DPF3: variants seen among roughly 807,000 people sequenced by gnomAD.
DPF3 encodes zinc finger protein DPF3.
Under a neutral mutation model 56.8 loss-of-function variants are expected in DPF3, and 18 were observed. The ratio of observed to expected loss-of-function variants is 0.32; its 90% CI spans 0.22 to 0.47. DPF3 has a LOEUF of 0.47. Ranked by LOEUF, DPF3 falls within the 20% of genes least tolerant of loss-of-function variation. DPF3 has a pLI of 1.00. For synonymous variants in DPF3, 188 were observed against 180.2 expected (o/e 1.04, Z -0.35); for missense variants, 403 against 488.8 (o/e 0.82, Z 1.65).
At chr14:72,687,615 T>C (rs1209048880) in intron 7 of DPF3, among the ~76,000 whole-genome samples, 2 of 152,220 alleles carry the variant, frequency 1.3e-5, no homozygotes, top group Non-Finnish European at 2.9e-5. Context: ...TCCAATTGTC[T>C]GAATGTGCCA....
At chr14:72,642,221 T>A (rs1376516500) in intron 8 of DPF3, among the ~76,000 whole-genome samples, 1 of 152,182 alleles carries the variant, frequency 6.6e-6, no homozygotes, top group Non-Finnish European at 1.5e-5. Flanking sequence ...TTCCCAACCC[T>A]CAGAAGCTAT....
intron 1 of DPF3, among the ~76,000 whole-genome samples, chr14:72,782,661 C>A (rs967344855): frequency 6.6e-6 from 1 of 152,116 alleles, no homozygotes; most frequent in South Asian, 2.1e-4. Flanking sequence ...AGTGAAATCC[C>A]GTCTCTACTA....
intron 4 of DPF3, among the ~76,000 whole-genome samples, chr14:72,731,260 A>G (rs1285373147): frequency 6.6e-6 from 1 of 152,108 alleles, no homozygotes; most frequent in Non-Finnish European, 1.5e-5. Context: ...GCATGGATAG[A>G]GGGTAGTGGA....
intron 1 of DPF3, among the ~76,000 whole-genome samples, chr14:72,805,069 A>ACAC: frequency 4.5e-5 from 1 of 22,216 alleles, no homozygotes. Context: ...CACACACACA[A>ACAC]ACACACAGAC....
At chr14:72,869,062 C>T (rs1039840888) in intron 1 of DPF3, among the ~76,000 whole-genome samples, 2 of 152,198 alleles carry the variant, frequency 1.3e-5, no homozygotes, top group Admixed American at 6.5e-5. Context: ...ACCATCTCAT[C>T]CCTCTCCAGT....
chr14:72,642,445 G>T (rs1324359713), intron 8 of DPF3, among the ~76,000 whole-genome samples: 1 of 152,210 alleles, frequency 6.6e-6, no homozygotes, highest in East Asian at 1.9e-4. Context: ...GAGGAGCAGG[G>T]TTTGGGATTT....
intron 1 of DPF3, among the ~76,000 whole-genome samples, chr14:72,845,856 C>G (rs1197620044): frequency 6.6e-6 from 1 of 152,070 alleles, no homozygotes; most frequent in Admixed American, 6.6e-5. Flanking sequence ...AACATGATAC[C>G]CCCTGCAGAT....
At chr14:72,662,586 A>T in intron 8 of DPF3, 2 of 985,370 alleles carry the variant, frequency 2.0e-6, no homozygotes, top group Non-Finnish European at 2.4e-6. Flanking sequence ...AGAAAAAAAA[A>T]ATCTTCTTAT....
intron 8 of DPF3, among the ~76,000 whole-genome samples, chr14:72,648,280 C>A (rs56097225): frequency 2.6e-5 from 4 of 152,078 alleles, no homozygotes; most frequent in Non-Finnish European, 5.9e-5. Context: ...AAAACTATTG[C>A]GCCAGGCGTG....
rs1168146146 is a variant in DPF3 at position 72,619,059 on chromosome 14, C to G, written c.*238G>C. ...ACAGGGCTGGGGCCGGAGGTGTTCT[C>G]CCAAAGTGCAACTTCCTTCCGGTAG... is the stretch of plus-strand genomic sequence containing the variant. On this transcript the variant is annotated 3_prime_UTR_variant, in exon 11 of 11. Transcript: ENST00000556509. Among the ~76,000 whole-genome samples the G allele has an allele frequency of 6.6e-6, 1 of 152,194 alleles. No homozygotes were observed. Among genetic ancestry groups the G allele is most frequent in the South Asian group, 2.1e-4 (1 of 4,826 alleles).
At chr14:72,888,311 C>T (rs1298916754) in intron 1 of DPF3, among the ~76,000 whole-genome samples, 1 of 152,180 alleles carries the variant, frequency 6.6e-6, no homozygotes, top group Admixed American at 6.5e-5. Flanking sequence ...GCCCCACCAA[C>T]ACCTCCTAAC....
At chr14:72,654,259 C>T (rs552368716) in intron 8 of DPF3, among the ~76,000 whole-genome samples, 58 of 152,070 alleles carry the variant, frequency 3.8e-4, no homozygotes, top group African/African-American at 1.2e-3. Context: ...GCCTCCTGGG[C>T]CCATTCACAC....
intron 2 of DPF3, among the ~76,000 whole-genome samples, chr14:72,762,518 C>T (rs564616520): frequency 1.1e-4 from 17 of 151,256 alleles, no homozygotes; most frequent in South Asian, 4.2e-4. Flanking sequence ...CACAGAAAAT[C>T]AGATGACAAA....
At chr14:72,695,954 T>G (rs996565853) in intron 6 of DPF3, among the ~76,000 whole-genome samples, 2 of 152,206 alleles carry the variant, frequency 1.3e-5, no homozygotes, top group Non-Finnish European at 2.9e-5. Flanking sequence ...AATAGTGCTA[T>G]GCATCTTAAT....
At chr14:72,734,587 C>T (rs1417301178) in intron 3 of DPF3, among the ~76,000 whole-genome samples, 3 of 152,144 alleles carry the variant, frequency 2.0e-5, no homozygotes, top group Non-Finnish European at 2.9e-5. Context: ...CCTTAGCCTT[C>T]GCAGCACTAA....
At chr14:72,832,043 C>A (rs1370401800) in intron 1 of DPF3, among the ~76,000 whole-genome samples, 3 of 152,000 alleles carry the variant, frequency 2.0e-5, no homozygotes, top group African/African-American at 7.2e-5. Flanking sequence ...CATAACAAGA[C>A]CCCATCTCAA....
intron 3 of DPF3, among the ~76,000 whole-genome samples, chr14:72,743,366 C>T (rs1890204702): frequency 6.6e-6 from 1 of 152,042 alleles, no homozygotes; most frequent in Non-Finnish European, 1.5e-5. Flanking sequence ...AGCAGGCTCC[C>T]CATAGGGAGC....
intron 1 of DPF3, among the ~76,000 whole-genome samples, chr14:72,862,558 G>T (rs898782824): frequency 1.1e-4 from 17 of 152,116 alleles, no homozygotes; most frequent in African/African-American, 4.1e-4. Context: ...AAAACCTTCT[G>T]GTAGGTCCCA....
intron 1 of DPF3, among the ~76,000 whole-genome samples, chr14:72,859,469 TCCCC>T (rs112629015): frequency 0.052 from 3,139 of 60,742 alleles, 182 homozygotes; most frequent in South Asian, 0.14. Context: ...TGCAGCTTCC[TCCCC>T]CCCCCCCCCC....
Sources: allele counts gnomAD v4.1 joint callset (sites outside exome capture counted in the v4.1 genomes callset), GRCh38; gene constraint gnomAD v4.1.1; transcripts MANE v1.5; gene names NCBI Gene and HGNC (gene_info 2026-07-23, HGNC 2026-07-21).